DPY19L1: variants seen among roughly 807,000 people sequenced by gnomAD.
The protein encoded by DPY19L1 is protein C-mannosyl-transferase DPY19L1.
DPY19L1 carries 35 observed loss-of-function variants against 96.9 expected under a neutral mutation model. That is an observed-to-expected ratio of 0.36 (90% CI 0.28 to 0.48). The LOEUF is 0.48. DPY19L1 is among the 20% of genes least tolerant of loss of function. DPY19L1 has a pLI of 0.99. For missense variants in DPY19L1, 521 were observed against 777.9 expected (o/e 0.67, Z 3.93); for synonymous variants, 205 against 252.6 (o/e 0.81, Z 1.79).
intron 21 of DPY19L1, among the ~76,000 whole-genome samples, chr7:34,933,563 G>A (rs181470386): frequency 1.3e-5 from 2 of 152,348 alleles, no homozygotes; most frequent in African/African-American, 4.8e-5. Context: ...GTTTGAGTCA[G>A]TGGACTGGGA....
chr7:34,993,005 G>C (rs1785206558), intron 6 of DPY19L1, among the ~76,000 whole-genome samples: 2 of 152,152 alleles, frequency 1.3e-5, no homozygotes, highest in African/African-American at 4.8e-5. Context: ...GTGTTCCTGA[G>C]TGGTCTACCC....
chr7:34,969,317 T>C (rs1358224983), intron 9 of DPY19L1, 116 bp downstream of exon 9: 5 of 488,218 alleles, frequency 1.0e-5, no homozygotes, highest in Middle Eastern at 5.9e-4. Flanking sequence ...TCCTAGAAAA[T>C]GTTTTAGTGT....
chr7:34,995,500 A>G (rs1359449356), intron 6 of DPY19L1, among the ~76,000 whole-genome samples: 1 of 152,182 alleles, frequency 6.6e-6, no homozygotes, highest in African/African-American at 2.4e-5. Context: ...AATAAAGTTA[A>G]AAAGGACCTC....
chr7:35,013,833 G>A (rs1048403259), intron 3 of DPY19L1, 128 bp from the exon 4 acceptor site: 8 of 618,266 alleles, frequency 1.3e-5, no homozygotes, highest in African/African-American at 7.7e-5. Context: ...GAATTTCACA[G>A]GTTTCTGATC....
intron 16 of DPY19L1, 71 bp from the exon 17 acceptor site, chr7:34,942,710 T>G: frequency 7.6e-7 from 1 of 1,319,142 alleles, no homozygotes; most frequent in Non-Finnish European, 1.1e-6. Context: ...TGCATTTTCA[T>G]CTTGCAAACA....
At chr7:34,982,409 G>C (rs1466449691) in intron 7 of DPY19L1, among the ~76,000 whole-genome samples, 1 of 152,198 alleles carries the variant, frequency 6.6e-6, no homozygotes, top group Non-Finnish European at 1.5e-5. Flanking sequence ...TTGTATAAGA[G>C]AGACAGCAAA....
chr7:34,951,062 T>C (rs1415037303), intron 13 of DPY19L1, among the ~76,000 whole-genome samples: 1 of 151,876 alleles, frequency 6.6e-6, no homozygotes, highest in Non-Finnish European at 1.5e-5. Flanking sequence ...AAAAAATATA[T>C]GAAAAGAGAC....
intron 2 of DPY19L1, 22 bp downstream of exon 2, chr7:35,018,550 T>G (rs375661727): frequency 6.2e-7 from 1 of 1,601,988 alleles, no homozygotes; most frequent in South Asian, 1.1e-5. Flanking sequence ...TAAAATACCA[T>G]AGGAGAAAAA....
intron 3 of DPY19L1, among the ~76,000 whole-genome samples, chr7:35,016,455 TTCCTC>T (rs1021205026): frequency 3.3e-5 from 5 of 152,346 alleles, no homozygotes; most frequent in East Asian, 1.9e-4. Flanking sequence ...CTTTCTGACT[TTCCTC>T]TATGATATAC....
At chr7:34,951,730 A>T (rs1784270644) in intron 13 of DPY19L1, among the ~76,000 whole-genome samples, 1 of 152,040 alleles carries the variant, frequency 6.6e-6, no homozygotes, top group South Asian at 2.1e-4. Context: ...AAGAGGACTA[A>T]AAAAAGATAT....
chr7:34,936,750 C>T (rs1223738475), intron 21 of DPY19L1, among the ~76,000 whole-genome samples: 3 of 152,168 alleles, frequency 2.0e-5, no homozygotes, highest in African/African-American at 4.8e-5. Flanking sequence ...ACGTAGCACA[C>T]GTTCATAGGA....
chr7:34,987,290 A>C (rs1442518865), intron 7 of DPY19L1, among the ~76,000 whole-genome samples: 1 of 152,092 alleles, frequency 6.6e-6, no homozygotes, highest in East Asian at 1.9e-4. Flanking sequence ...TTTTTATTAT[A>C]GAATGTATAA....
At chr7:35,018,975 G>A (rs1331664010) in intron 1 of DPY19L1, among the ~76,000 whole-genome samples, 4 of 152,104 alleles carry the variant, frequency 2.6e-5, no homozygotes, top group Non-Finnish European at 5.9e-5. Context: ...AGAAAAAAGG[G>A]AACTACCACT....
rs1785898796 is a variant in DPY19L1 at position 35,017,889 on chromosome 7, G to A, written c.404C>T (p.Thr135Ile). The A allele has an allele frequency of 6.2e-7, 1 of 1,600,410 alleles. No individual in the cohort carries two copies. Among genetic ancestry groups the A allele is most frequent in the Non-Finnish European group, 8.5e-7 (1 of 1,171,902 alleles). ...STLEREMAFR[T>I]EMGLYYSYFK... ...TCCCAAATAAAAACTAACCATTTCA[G>A]TGCGAAAAGCCATCTCCCTTTCCAA... The change falls in exon 3 of 22, where the codon ACT becomes ATT. Residue 135 changes from threonine to isoleucine, a missense_variant. Physicochemically the swap from Thr to Ile is moderately conservative, Grantham distance 89 (BLOSUM62 -1). Coordinates refer to ENST00000638088, the MANE Select transcript of DPY19L1 (RefSeq NM_001366673.1).
chr7:34,946,921 T>C (rs570615297), intron 15 of DPY19L1, among the ~76,000 whole-genome samples: 25 of 152,372 alleles, frequency 1.6e-4, no homozygotes, highest in Non-Finnish European at 2.1e-4. Context: ...ATATGAACAA[T>C]TGTTATAATA....
At chr7:34,967,090 T>C (rs963494518) in intron 9 of DPY19L1, 119 bp from the exon 10 acceptor site, 1 of 669,540 alleles carries the variant, frequency 1.5e-6, no homozygotes, top group Non-Finnish European at 2.2e-6. Flanking sequence ...GTTCTTCTGT[T>C]TTCCTTTTAT....
intron 19 of DPY19L1, among the ~76,000 whole-genome samples, chr7:34,939,734 A>G (rs1343996898): frequency 6.6e-6 from 1 of 152,236 alleles, no homozygotes; most frequent in African/African-American, 2.4e-5. Context: ...TTAGTATTCA[A>G]TCATTTGATA....
intron 3 of DPY19L1, among the ~76,000 whole-genome samples, chr7:35,017,086 C>T (rs573934867): frequency 1.3e-5 from 2 of 151,370 alleles, no homozygotes; most frequent in East Asian, 3.9e-4. Flanking sequence ...TAAATGTTTT[C>T]CAGTATGTCT....
intron 1 of DPY19L1, among the ~76,000 whole-genome samples, chr7:35,031,448 C>T (rs939951556): frequency 6.6e-6 from 1 of 152,014 alleles, no homozygotes; most frequent in Admixed American, 6.5e-5. Flanking sequence ...GTCCTTGAAC[C>T]AATCCCTCGG....
Sources: gnomAD v4.1 joint callset for allele counts (sites outside exome capture counted in the v4.1 genomes callset) on GRCh38, gnomAD v4.1.1 for gene constraint, MANE v1.5 for transcripts, NCBI Gene and HGNC (gene_info 2026-07-23, HGNC 2026-07-21) for gene names.